FRAS1: variants seen among roughly 807,000 people sequenced by gnomAD.
FRAS1 encodes the protein extracellular matrix organizing protein FRAS1.
Under a neutral mutation model 435.2 loss-of-function variants are expected in FRAS1, and 290 were observed. That is an observed-to-expected ratio of 0.67 (90% CI 0.61 to 0.73). The LOEUF is 0.73. FRAS1 is among the 30% of genes least tolerant of loss of function. The probability of loss-of-function intolerance (pLI) is 0.00; values close to 1 mark genes in which losing one functional copy is unlikely to be tolerated. For missense variants in FRAS1, 4,860 were observed against 5,001.5 expected, an observed-to-expected ratio of 0.97 and a Z score of 0.85; for synonymous variants, 1,800 against 1,851.0, an observed-to-expected ratio of 0.97 and a Z score of 0.71.
chr4:78,368,334 C>CTT (rs796677701), intron 22 of FRAS1, among the ~76,000 whole-genome samples: 4 of 138,398 alleles, frequency 2.9e-5, no homozygotes, highest in African/African-American at 1.1e-4. Flanking sequence ...CAATAGCATT[C>CTT]TTTTTTTTTT....
chr4:78,191,734 T>C (rs930870113), intron 2 of FRAS1, among the ~76,000 whole-genome samples: 2 of 151,956 alleles, frequency 1.3e-5, no homozygotes, highest in Non-Finnish European at 2.9e-5. Flanking sequence ...ATGTTCCCCT[T>C]CCTGTGTCCA....
At chr4:78,477,601 T>C (rs1719889124) in intron 54 of FRAS1, among the ~76,000 whole-genome samples, 1 of 152,196 alleles carries the variant, frequency 6.6e-6, no homozygotes, top group South Asian at 2.1e-4. Context: ...CATGTCCTTA[T>C]ACAATAAAGC....
At chr4:78,408,200 G>A (rs1014971855) in intron 31 of FRAS1, among the ~76,000 whole-genome samples, 5 of 151,616 alleles carry the variant, frequency 3.3e-5, no homozygotes, top group Non-Finnish European at 7.4e-5. Context: ...GAACAGTATG[G>A]GGGAAACTGC....
chr4:78,318,887 C>G lies in FRAS1; in HGVS notation c.2038C>G (p.Leu680Val), dbSNP rs1222037900. ...CTGCKKPEEGLQVEQLSDVGI... is the reference protein window; with the variant it reads ...CTGCKKPEEGVQVEQLSDVGI... ...TGGGTGTAAGAAGCCAGAGGAAGGA[C>G]TGCAAGTGGAGCAGCTGTCTGACGT... Residue 680 changes from leucine to valine, a missense_variant, in exon 18 of 74, where the codon CTG becomes GTG. By Grantham distance (32) the Leu-to-Val change is conservative. Transcript: ENST00000512123. 1 of 1,614,014 alleles carries G rather than the reference C, an allele frequency of 6.2e-7. No homozygotes were observed. The highest frequency in any genetic ancestry group is 1.1e-5 in the South Asian group (1 of 91,086).
intron 3 of FRAS1, among the ~76,000 whole-genome samples, chr4:78,241,209 T>G (rs1724989015): frequency 6.6e-6 from 1 of 152,162 alleles, no homozygotes; most frequent in Non-Finnish European, 1.5e-5. Context: ...TCTCTGAATC[T>G]CCCATCCCCA....
intron 60 of FRAS1, 53 bp from the exon 61 acceptor site, chr4:78,499,668 A>T: frequency 6.6e-7 from 1 of 1,515,168 alleles, no homozygotes; most frequent in Non-Finnish European, 9.1e-7. Context: ...TGGGAGTCTG[A>T]ATCCTTTGTG....
Position 78,317,428 on chromosome 4 carries a change from G to A in FRAS1, c.1880G>A (p.Ser627Asn), listed in dbSNP as rs765990899. 6.2e-6 allele frequency: 10 copies of A among 1,613,790 alleles called. No individual in the cohort carries two copies. The Admixed American group carries it at 1.0e-4, about 16-fold the overall frequency. ...GPTPSHCTAC[S>N]PPKALRQGHC... ...ACACCCTCTCACTGTACAGCCTGCAGCCCCCCCAAGGCTCTGCGTCAAGGC... is the reference window on the plus strand; with the variant it reads ...ACACCCTCTCACTGTACAGCCTGCAACCCCCCCAAGGCTCTGCGTCAAGGC... Residue 627 changes from serine to asparagine, a missense_variant, in exon 17 of 74, where the codon AGC becomes AAC. Ser to Asn is a conservative substitution (Grantham distance 46). Transcript: ENST00000512123.
chr4:78,313,326 A>G (rs1335854083), intron 15 of FRAS1, among the ~76,000 whole-genome samples: 1 of 152,208 alleles, frequency 6.6e-6, no homozygotes, highest in Non-Finnish European at 1.5e-5. Flanking sequence ...GCCTGTGAAC[A>G]GATGCTGGAT....
intron 35 of FRAS1, among the ~76,000 whole-genome samples, chr4:78,427,268 GC>G (rs1213560256): frequency 6.6e-5 from 10 of 152,234 alleles, no homozygotes; most frequent in Admixed American, 3.3e-4. Flanking sequence ...TGCCTACACT[GC>G]CTCATGACTC....
intron 2 of FRAS1, among the ~76,000 whole-genome samples, chr4:78,143,487 T>A (rs1469330552): frequency 6.6e-6 from 1 of 152,184 alleles, no homozygotes; most frequent in Non-Finnish European, 1.5e-5. Context: ...CATTGATGTA[T>A]AGTTCATAAA....
At chr4:78,281,345 C>A in intron 10 of FRAS1, 53 bp from the exon 11 acceptor site, 1 of 1,214,862 alleles carries the variant, frequency 8.2e-7, no homozygotes, top group Non-Finnish European at 1.2e-6. Context: ...ATAAAATAAT[C>A]AGCCTAATGG....
At position 78,498,842 on chromosome 4, in the gene FRAS1, T is replaced by TTTTATTTATTTATTTATTTATTTA. The variant is rs61394042; in HGVS notation, c.9116-856_9116-855insATTTATTTATTTATTTATTTATTT. Among the ~76,000 whole-genome samples the TTTTATTTATTTATTTATTTATTTA allele has an allele frequency of 2.9e-3, 429 of 147,766 alleles. 3 individuals are homozygous for TTTTATTTATTTATTTATTTATTTA. The highest frequency in any genetic ancestry group is 0.01 in the African/African-American group (414 of 40,160). On this transcript the variant is annotated intron_variant, in intron 60 of 73. Coordinates refer to ENST00000512123, the MANE Select transcript of FRAS1 (RefSeq NM_025074.7). The stretch of plus-strand genomic sequence containing the variant: ...TTTTTTGGTAAAAATCAATATATTA[T>TTTTATTTATTTATTTATTTATTTA]TTTATTTATTTATTTATTTATTTGA...
intron 2 of FRAS1, among the ~76,000 whole-genome samples, chr4:78,215,096 C>A (rs981120281): frequency 2.6e-5 from 4 of 152,228 alleles, no homozygotes; most frequent in South Asian, 2.1e-4. Flanking sequence ...CTCAGCCATA[C>A]TGTGTAACTT....
intron 65 of FRAS1, among the ~76,000 whole-genome samples, chr4:78,513,785 T>C (rs1721119299): frequency 6.6e-6 from 1 of 152,198 alleles, no homozygotes; most frequent in Non-Finnish European, 1.5e-5. Flanking sequence ...ACTGAACAAA[T>C]ATAGTTTGAC....
intron 20 of FRAS1, among the ~76,000 whole-genome samples, chr4:78,347,524 T>C (rs447620): frequency 0.17 from 25,854 of 152,148 alleles, 2,877 homozygotes; most frequent in African/African-American, 0.32. Flanking sequence ...CCTTGGTTTC[T>C]GAGTGAACGT....
intron 30 of FRAS1, among the ~76,000 whole-genome samples, chr4:78,405,575 A>G (rs947746420): frequency 6.6e-6 from 1 of 152,254 alleles, no homozygotes; most frequent in African/African-American, 2.4e-5. Context: ...TTTAGTGCAT[A>G]TAAATATTAG....
intron 2 of FRAS1, among the ~76,000 whole-genome samples, chr4:78,193,666 C>T (rs1457561923): frequency 1.3e-5 from 2 of 151,924 alleles, no homozygotes; most frequent in Non-Finnish European, 2.9e-5. Context: ...TATGTGTGTC[C>T]CTGCACGTGA....
intron 2 of FRAS1, among the ~76,000 whole-genome samples, chr4:78,075,484 C>T (rs1364240068): frequency 6.6e-6 from 1 of 152,008 alleles, no homozygotes; most frequent in Non-Finnish European, 1.5e-5. Context: ...GACCCAATAC[C>T]CTATAATCAG....
chr4:78,099,005 C>T (rs969985591), intron 2 of FRAS1, among the ~76,000 whole-genome samples: 1 of 152,208 alleles, frequency 6.6e-6, no homozygotes, highest in Admixed American at 6.5e-5. Context: ...CTCCTGCTCC[C>T]AAAATCAGCC....
Sources: allele counts gnomAD v4.1 joint callset (sites outside exome capture counted in the v4.1 genomes callset), GRCh38; gene constraint gnomAD v4.1.1; transcripts MANE v1.5; gene names NCBI Gene and HGNC (gene_info 2026-07-23, HGNC 2026-07-21).